ITK: variants seen among roughly 807,000 people sequenced by gnomAD.
ITK encodes IL2 inducible T cell kinase, also known as tyrosine-protein kinase ITK/TSK.
Under a neutral mutation model 87.6 loss-of-function variants are expected in ITK, and 45 were observed. That is an observed-to-expected ratio of 0.51 (90% CI 0.40 to 0.66). The LOEUF is 0.66. ITK is among the 30% of genes least tolerant of loss of function. ITK has a pLI of 0.00. For synonymous variants in ITK, 303 were observed against 273.6 expected (o/e 1.11, Z -1.06); for missense variants, 605 against 766.3 (o/e 0.79, Z 2.48).
intron 5 of ITK, 70 bp downstream of exon 5, chr5:157,217,977 A>G: frequency 4.6e-6 from 6 of 1,317,616 alleles, no homozygotes; most frequent in Non-Finnish European, 6.6e-6. Context: ...TCCTATTTGC[A>G]TGTCCCCCTC....
chr5:157,223,590 A>G (rs25778), intron 6 of ITK, among the ~76,000 whole-genome samples: 107,203 of 151,902 alleles, frequency 0.71, 38,365 homozygotes, highest in East Asian at 0.98. Context: ...AAAAAATACC[A>G]AGCATGAGAT....
chr5:157,204,206 A>G (rs932579180), intron 1 of ITK, among the ~76,000 whole-genome samples: 2 of 152,126 alleles, frequency 1.3e-5, no homozygotes, highest in African/African-American at 2.4e-5. Context: ...TTGTCTCACT[A>G]TGTTGCCCAG....
At chr5:157,188,760 T>A (rs1252299044) in intron 1 of ITK, among the ~76,000 whole-genome samples, 1 of 152,186 alleles carries the variant, frequency 6.6e-6, no homozygotes, top group East Asian at 1.9e-4. Flanking sequence ...CAGAAGTGCA[T>A]CACCACGCCT....
chr5:157,243,569 A>T, intron 11 of ITK, 54 bp from the exon 12 acceptor site: 1 of 1,485,286 alleles, frequency 6.7e-7, no homozygotes, highest in Non-Finnish European at 9.4e-7. Flanking sequence ...TGGTATCCCA[A>T]TACCTTATAT....
intron 5 of ITK, among the ~76,000 whole-genome samples, chr5:157,218,251 T>C (rs1001583100): frequency 2.6e-5 from 4 of 152,130 alleles, no homozygotes; most frequent in Admixed American, 1.3e-4. Flanking sequence ...ACGTCTGTAA[T>C]CCCAGCACTT....
chr5:157,221,163 G>A (rs1334791270), intron 5 of ITK, among the ~76,000 whole-genome samples: 1 of 151,836 alleles, frequency 6.6e-6, no homozygotes, highest in Non-Finnish European at 1.5e-5. Context: ...CTGGAAGACA[G>A]AATGAAATAG....
chr5:157,211,268 T>G lies in ITK; in HGVS notation c.244-19T>G, dbSNP rs1391832609. 1.9e-6 allele frequency: 3 copies of G among 1,607,536 alleles called. No homozygotes were observed. Among genetic ancestry groups the G allele is most frequent in the Non-Finnish European group, 2.6e-6 (3 of 1,174,346 alleles). On this transcript the variant is annotated intron_variant, in intron 2 of 16. Coordinates refer to ENST00000422843, the MANE Select transcript of ITK (RefSeq NM_005546.4). ...TCCATGCACGCTGCTCACCTTGAACTCTGTGTGTGTGTCTCCAGGTGGTGC... is the reference window on the plus strand; with the variant it reads ...TCCATGCACGCTGCTCACCTTGAACGCTGTGTGTGTGTCTCCAGGTGGTGC...
At chr5:157,215,596 G>A (rs993313995) in intron 4 of ITK, among the ~76,000 whole-genome samples, 2 of 152,176 alleles carry the variant, frequency 1.3e-5, no homozygotes, top group Non-Finnish European at 2.9e-5. Context: ...CTCTGGATAG[G>A]ATCCACCATA....
chr5:157,198,026 A>G (rs1363738880), intron 1 of ITK, among the ~76,000 whole-genome samples: 1 of 152,068 alleles, frequency 6.6e-6, no homozygotes, highest in East Asian at 1.9e-4. Flanking sequence ...GATACAAGGT[A>G]AAAAGAAAAG....
Position 157,233,765 on chromosome 5 carries a change from T to G in ITK, c.768+1371T>G, listed in dbSNP as rs1177317737. On this transcript the variant is annotated intron_variant, in intron 8 of 16. Coordinates refer to ENST00000422843, the MANE Select transcript of ITK (RefSeq NM_005546.4). ...CACTGTGTTTAAACAAGTATAGTTT[T>G]GTTATATTAATCACACATCAGTTAA... Among the ~76,000 whole-genome samples the G allele has an allele frequency of 4.0e-5, 6 of 151,538 alleles. No homozygotes were observed. The East Asian group carries it at 1.2e-3, about 29-fold the overall frequency.
At position 157,240,090 on chromosome 5, in the gene ITK, C is replaced by T; in HGVS notation, c.880C>T (p.His294Tyr). The T allele has an allele frequency of 1.2e-6, 2 of 1,611,054 alleles. No individual in the cohort carries two copies. Among genetic ancestry groups the T allele is most frequent in the Non-Finnish European group, 1.7e-6 (2 of 1,177,244 alleles). ...GAACAATCCCTGTATAAAGCATTAT[C>T]ACATCAAGGAAACAAATGACAATCC... is the stretch of plus-strand genomic sequence containing the variant. ...SENNPCIKHYHIKETNDNPKR... is the reference protein window; with the variant it reads ...SENNPCIKHYYIKETNDNPKR... The change falls in exon 10 of 17, where the codon CAC (histidine) becomes TAC (tyrosine). Residue 294 changes from histidine (H) to tyrosine (Y), a missense_variant. Around this residue, in one of 3 missense-constraint regions of ITK, gnomAD observed 464 missense variants for 578.0 expected, o/e 0.80. Transcript: ENST00000422843.
At chr5:157,203,881 A>G (rs968878399) in intron 1 of ITK, among the ~76,000 whole-genome samples, 9 of 152,250 alleles carry the variant, frequency 5.9e-5, no homozygotes, top group Non-Finnish European at 1.3e-4. Flanking sequence ...TATACCCTAT[A>G]AAAGTGCAGG....
chr5:157,225,159 T>C (rs34585804), intron 6 of ITK, among the ~76,000 whole-genome samples: 2,488 of 152,188 alleles, frequency 0.016, 30 homozygotes, highest in Non-Finnish European at 0.027. Context: ...CATGCCCAGA[T>C]AATTTTTGAA....
At chr5:157,196,016 T>G (rs903057864) in intron 1 of ITK, 1 of 152,110 alleles carries the variant, frequency 6.6e-6, no homozygotes, top group African/African-American at 2.4e-5. Flanking sequence ...CTGGGGAAAT[T>G]TTTGGTTGTT....
chr5:157,212,212 A>G (rs1754205882), intron 3 of ITK, among the ~76,000 whole-genome samples: 1 of 152,178 alleles, frequency 6.6e-6, no homozygotes, highest in Non-Finnish European at 1.5e-5. Flanking sequence ...AAAAATACCC[A>G]TCCCAAAGAA....
chr5:157,207,079 A>T (rs1018854294), intron 1 of ITK, among the ~76,000 whole-genome samples: 10 of 152,194 alleles, frequency 6.6e-5, no homozygotes, highest in Non-Finnish European at 1.0e-4. Context: ...AAATTTTTTT[A>T]AAAAAGAAAC....
chr5:157,207,377 C>CTTTTTTTTTTTT lies in ITK; in HGVS notation c.139-1496_139-1485dup, dbSNP rs536290068. Among the ~76,000 whole-genome samples, 20 of 59,140 alleles carry CTTTTTTTTTTTT rather than the reference C, an allele frequency of 3.4e-4. 2 individuals are homozygous for CTTTTTTTTTTTT. Among genetic ancestry groups the CTTTTTTTTTTTT allele is most frequent in the African/African-American group, 1.0e-3 (16 of 15,788 alleles). The allele number at this position is 59,140 out of a possible 152,430, so 38.8% of individuals were successfully genotyped here. A position where few individuals can be genotyped will look rare whatever the true frequency, so the allele number is the denominator to read the frequency against. ...CTTTATCACGTATCTAGATACGTCT[C>CTTTTTTTTTTTT]TTTTTTTTTTTTTTTTTTTTTTTTT... On this transcript the variant is annotated intron_variant, in intron 1 of 16. Transcript: ENST00000422843.
At chr5:157,239,929 A>T (rs553028715) in intron 9 of ITK, 133 bp from the exon 10 acceptor site, 4 of 907,922 alleles carry the variant, frequency 4.4e-6, no homozygotes, top group East Asian at 5.3e-5. Context: ...AGACAGACTT[A>T]TAAGTTGAAC....
chr5:157,223,058 T>G, intron 6 of ITK, 44 bp downstream of exon 6: 1 of 1,610,128 alleles, frequency 6.2e-7, no homozygotes, highest in Non-Finnish European at 8.5e-7. Context: ...TGAGGTGTGG[T>G]GCGAACAAAT....
Sources: gnomAD v4.1 joint callset for allele counts (sites outside exome capture counted in the v4.1 genomes callset) on GRCh38, gnomAD v4.1.1 for gene constraint, gnomAD v4.1.1 regional missense constraint, MANE v1.5 for transcripts, NCBI Gene and HGNC (gene_info 2026-07-23, HGNC 2026-07-21) for gene names.